SMARCC1: variants seen among roughly 807,000 people sequenced by gnomAD.
SMARCC1 encodes the protein SWI/SNF related BAF chromatin remodeling complex subunit C1, also known as SWI/SNF complex subunit SMARCC1.
Under a neutral mutation model 147.4 loss-of-function variants are expected in SMARCC1, and 43 were observed. The ratio of observed to expected loss-of-function variants is 0.29; its 90% CI spans 0.23 to 0.38. The LOEUF is 0.38. Among genes scored for constraint, SMARCC1 ranks in the 10% least tolerant of loss-of-function variants. The probability of loss-of-function intolerance (pLI) is 1.00; values close to 1 mark genes in which losing one functional copy is unlikely to be tolerated. For synonymous variants in SMARCC1, 495 were observed against 484.4 expected, an observed-to-expected ratio of 1.02 and a Z score of -0.29; for missense variants, 1,119 against 1,381.1, an observed-to-expected ratio of 0.81 and a Z score of 3.01.
At chr3:47,680,408 A>T in intron 15 of SMARCC1, 29 bp downstream of exon 15, 1 of 1,538,104 alleles carries the variant, frequency 6.5e-7, no homozygotes, top group Non-Finnish European at 9.0e-7. Context: ...ACAGGCAAAT[A>T]AACAAGTTTT....
At chr3:47,613,550 G>T (rs924017687) in intron 25 of SMARCC1, among the ~76,000 whole-genome samples, 2 of 151,932 alleles carry the variant, frequency 1.3e-5, no homozygotes, top group Admixed American at 1.3e-4. Flanking sequence ...AGTAGAGATG[G>T]GGTTTCACCA....
chr3:47,650,259 G>C (rs1182630807), intron 21 of SMARCC1, among the ~76,000 whole-genome samples: 1 of 148,448 alleles, frequency 6.7e-6, no homozygotes. Flanking sequence ...CTGGGCGACA[G>C]AGCGAGACTC....
At chr3:47,729,149 G>C (rs373278116) in intron 5 of SMARCC1, 55 bp from the exon 6 acceptor site, 2 of 1,054,532 alleles carry the variant, frequency 1.9e-6, no homozygotes, top group Non-Finnish European at 2.9e-6. Context: ...AATGAACTAT[G>C]AGATTCCAGA....
intron 22 of SMARCC1, among the ~76,000 whole-genome samples, chr3:47,638,468 CCTT>C (rs2033003114): frequency 2.0e-5 from 3 of 152,054 alleles, no homozygotes; most frequent in Non-Finnish European, 2.9e-5. Context: ...AATTCATATT[CCTT>C]CTTCTTCTAA....
intron 2 of SMARCC1, among the ~76,000 whole-genome samples, chr3:47,754,340 CT>C (rs1421195309): frequency 1.1e-4 from 17 of 152,036 alleles, no homozygotes; most frequent in African/African-American, 3.4e-4. Context: ...GTAGCTGGGA[CT>C]GCAGGCGCGC....
At chr3:47,601,128 TTC>T (rs2032378997) in intron 26 of SMARCC1, among the ~76,000 whole-genome samples, 1 of 151,128 alleles carries the variant, frequency 6.6e-6, no homozygotes, top group Non-Finnish European at 1.5e-5. Flanking sequence ...CTTTTCTTTT[TTC>T]TTTTTTTTTT....
At chr3:47,693,350 C>G (rs774161881) in intron 11 of SMARCC1, 50 bp from the exon 12 acceptor site, 1 of 1,093,292 alleles carries the variant, frequency 9.1e-7, no homozygotes, top group Non-Finnish European at 1.4e-6. Context: ...AGTTGTACTT[C>G]TTTTTAGAAA....
At chr3:47,672,889 G>A (rs1176417057) in intron 18 of SMARCC1, among the ~76,000 whole-genome samples, 4 of 151,836 alleles carry the variant, frequency 2.6e-5, no homozygotes, top group Admixed American at 2.0e-4. Context: ...AGCGACTCTC[G>A]AGCTTCAGCC....
chr3:47,644,016 A>G (rs1324065759), intron 21 of SMARCC1, among the ~76,000 whole-genome samples: 2 of 152,304 alleles, frequency 1.3e-5, no homozygotes, highest in African/African-American at 2.4e-5. Context: ...GCGAGATTCC[A>G]TATCTATAAA....
At chr3:47,712,788 G>A (rs1372084734) in intron 8 of SMARCC1, among the ~76,000 whole-genome samples, 1 of 152,066 alleles carries the variant, frequency 6.6e-6, no homozygotes, top group African/African-American at 2.4e-5. Context: ...TAATACAAAA[G>A]TCCATGTGTC....
chr3:47,625,540 CT>C (rs1342028754), intron 24 of SMARCC1, among the ~76,000 whole-genome samples: 1 of 152,020 alleles, frequency 6.6e-6, no homozygotes, highest in African/African-American at 2.4e-5. Context: ...CAGCCTACTT[CT>C]ATATATATTC....
At position 47,587,168 on chromosome 3, in the gene SMARCC1, G is replaced by C. The variant is rs2032083947; in HGVS notation, c.*1041C>G. On this transcript the variant is annotated 3_prime_UTR_variant, in exon 28 of 28. Transcript: ENST00000254480. ...TGGCTACTGTAACAAGAGGTAGTTT[G>C]GGGACTTGTACCCCCAGCCATCCTA... 1 of 152,512 alleles carries C rather than the reference G, an allele frequency of 6.6e-6. No individual in the cohort carries two copies. Among genetic ancestry groups the C allele is most frequent in the African/African-American group, 2.4e-5 (1 of 41,414 alleles). The allele number at this position is 152,512 out of a possible 1,614,324, so 9.4% of individuals were successfully genotyped here.
intron 6 of SMARCC1, 93 bp downstream of exon 6, chr3:47,728,932 C>G: frequency 1.4e-6 from 1 of 728,114 alleles, no homozygotes; most frequent in South Asian, 2.5e-5. Context: ...AAATAAAAAG[C>G]TGGTTATTCT....
In SMARCC1 at chr3:47,605,291, G is replaced by A. The variant is rs1576385043; in HGVS notation, c.3043+4775C>T. Reference sequence around the variant, plus strand: ...GTACATATATGTCTTATCAAAAGACGTGCTCATGTATTTCACAACAGCACA... The same window carrying A: ...GTACATATATGTCTTATCAAAAGACATGCTCATGTATTTCACAACAGCACA... On this transcript the variant is annotated intron_variant, in intron 26 of 27. Transcript: ENST00000254480. 2.0e-5 allele frequency among the ~76,000 whole-genome samples: 3 copies of A among 152,274 alleles called. 1 individual carries two copies. The highest frequency in any genetic ancestry group is 2.1e-4 in the South Asian group (1 of 4,824).
chr3:47,751,132 A>G (rs2034623893), intron 2 of SMARCC1, among the ~76,000 whole-genome samples: 1 of 151,818 alleles, frequency 6.6e-6, no homozygotes, highest in African/African-American at 2.4e-5. Flanking sequence ...TCCTGACCTT[A>G]GGTGATCCGC....
chr3:47,780,718 G>C (rs191838084), intron 1 of SMARCC1, among the ~76,000 whole-genome samples: 63 of 152,144 alleles, frequency 4.1e-4, no homozygotes, highest in Admixed American at 7.2e-4. Flanking sequence ...AGAAAGTACA[G>C]AACTAAAGAG....
chr3:47,618,380 T>TAA (rs771191211), intron 25 of SMARCC1, among the ~76,000 whole-genome samples: 2 of 138,016 alleles, frequency 1.4e-5, no homozygotes, highest in African/African-American at 2.7e-5. Flanking sequence ...TGTCAATATT[T>TAA]AAAAAAAAAA....
At chr3:47,615,597 T>C (rs1229557975) in intron 25 of SMARCC1, among the ~76,000 whole-genome samples, 6 of 152,202 alleles carry the variant, frequency 3.9e-5, no homozygotes, top group African/African-American at 1.4e-4. Context: ...ATCCTTTAAC[T>C]TCCTTAAGTA....
Position 47,638,751 on chromosome 3 carries a change from C to T in SMARCC1, c.2350G>A (p.Asp784Asn), listed in dbSNP as rs565054766. 9 of 1,613,506 alleles carry T rather than the reference C, an allele frequency of 5.6e-6. No homozygotes were observed. Among genetic ancestry groups the T allele is most frequent in the Admixed American group, 3.3e-5 (2 of 60,022 alleles). The change falls in exon 22 of 28, where the codon GAC becomes AAC. Residue 784 changes from aspartate (D) to asparagine (N), a missense_variant. Asp to Asn is a conservative substitution (Grantham distance 23). Transcript: ENST00000254480. ...TTTTCAGGCTGCTGACCATCAGGGT[C>T]GGCTTCCATTTTTTCCTCTTCAGCT... ...EGAEEEKMEA[D>N]PDGQQPEKAE...
Sources: allele counts gnomAD v4.1 joint callset (sites outside exome capture counted in the v4.1 genomes callset), GRCh38; gene constraint gnomAD v4.1.1; transcripts MANE v1.5; gene names NCBI Gene and HGNC (gene_info 2026-07-23, HGNC 2026-07-21).